NAV2: variants seen among roughly 807,000 people sequenced by gnomAD.
NAV2 encodes neuron navigator 2.
NAV2 carries 54 observed loss-of-function variants against 223.2 expected under a neutral mutation model. The ratio of observed to expected loss-of-function variants is 0.24; its 90% confidence interval spans 0.19 to 0.30. The LOEUF (loss-of-function observed/expected upper bound fraction) is 0.30. NAV2 is among the 10% of genes least tolerant of loss of function. The probability of loss-of-function intolerance (pLI) is 1.00; values close to 1 mark genes in which losing one functional copy is unlikely to be tolerated. For synonymous variants in NAV2, 1,279 were observed against 1,239.3 expected, an observed-to-expected ratio of 1.03 and a Z score of -0.67; for missense variants, 2,806 against 3,147.5, an observed-to-expected ratio of 0.89 and a Z score of 2.60.
At chr11:19,675,544 C>T (rs1406222181) in intron 1 of NAV2, among the ~76,000 whole-genome samples, 4 of 152,232 alleles carry the variant, frequency 2.6e-5, no homozygotes, top group African/African-American at 4.8e-5. Context: ...GGGAGCATGT[C>T]ATATGCCTCC....
chr11:19,976,047 G>T (rs540733388), intron 10 of NAV2, among the ~76,000 whole-genome samples: 1 of 152,120 alleles, frequency 6.6e-6, no homozygotes, highest in Non-Finnish European at 1.5e-5. Context: ...ACTCTATAGC[G>T]TGCAAAAACA....
At chr11:19,889,118 A>T (rs1369659153) in intron 5 of NAV2, among the ~76,000 whole-genome samples, 1 of 152,152 alleles carries the variant, frequency 6.6e-6, no homozygotes, top group Non-Finnish European at 1.5e-5. Flanking sequence ...CTTGAACCCC[A>T]GTACTTAAAA....
chr11:20,095,963 G>C (rs147507149), intron 30 of NAV2, among the ~76,000 whole-genome samples, 196 bp downstream of exon 30: 73 of 152,276 alleles, frequency 4.8e-4, no homozygotes, highest in African/African-American at 1.7e-3. Context: ...ACTGGTCATC[G>C]GCCAAATTCT....
At chr11:19,448,552 G>A (rs1851672658) in intron 1 of NAV2, among the ~76,000 whole-genome samples, 1 of 152,150 alleles carries the variant, frequency 6.6e-6, no homozygotes, top group African/African-American at 2.4e-5. Context: ...CCTGGCACGT[G>A]GTTCTTCATG....
At chr11:19,477,604 G>A (rs1378760811) in intron 1 of NAV2, among the ~76,000 whole-genome samples, 2 of 152,146 alleles carry the variant, frequency 1.3e-5, no homozygotes, top group African/African-American at 2.4e-5. Flanking sequence ...ACCATATTGG[G>A]AAATTTACAA....
intron 32 of NAV2, among the ~76,000 whole-genome samples, chr11:20,101,490 G>A (rs1025946209): frequency 2.0e-5 from 3 of 152,094 alleles, no homozygotes; most frequent in East Asian, 1.9e-4. Context: ...GTGGAACAAC[G>A]ATAATAACAC....
upstream of NAV2, among the ~76,000 whole-genome samples, chr11:19,348,189 C>T (rs902504400): frequency 2.6e-5 from 4 of 152,138 alleles, no homozygotes; most frequent in Non-Finnish European, 4.4e-5. Flanking sequence ...GGGTCTCACC[C>T]GGGAGGGAGC....
chr11:19,988,265 G>A (rs11025351), intron 11 of NAV2, among the ~76,000 whole-genome samples: 106,088 of 152,112 alleles, frequency 0.7, 37,938 homozygotes, highest in Middle Eastern at 0.83. Context: ...TCACATAAAC[G>A]CCATTGAGAG....
chr11:19,402,151 G>A (rs574195070), intron 1 of NAV2, among the ~76,000 whole-genome samples: 1 of 152,158 alleles, frequency 6.6e-6, no homozygotes, highest in Non-Finnish European at 1.5e-5. Context: ...TCATCCTAAG[G>A]CCACCTCTCT....
intron 1 of NAV2, among the ~76,000 whole-genome samples, chr11:19,554,519 T>G (rs1565045094): frequency 6.6e-6 from 1 of 152,184 alleles, no homozygotes; most frequent in African/African-American, 2.4e-5. Context: ...TAGAGGCGCC[T>G]CAAGGAATGG....
At position 19,804,657 on chromosome 11, in the gene NAV2, C is replaced by A. The variant is rs563897638; in HGVS notation, c.268-27827C>A. On this transcript the variant is annotated intron_variant, in intron 1 of 37. Coordinates refer to ENST00000349880, the MANE Select transcript of NAV2 (RefSeq NM_145117.5). ...GTCTTCTGTCTGTCCTTCCATCCAT[C>A]TATTTATCCATCCATCCATCTGATA... is the stretch of plus-strand genomic sequence containing the variant. Among the ~76,000 whole-genome samples, 250 of 152,324 alleles carry A rather than the reference C, an allele frequency of 1.6e-3. 1 individual carries two copies. Among genetic ancestry groups the A allele is most frequent in the African/African-American group, 5.9e-3 (244 of 41,566 alleles).
chr11:19,511,594 C>G (rs768869289), intron 1 of NAV2: 5 of 152,190 alleles, frequency 3.3e-5, no homozygotes, highest in Non-Finnish European at 7.3e-5. Flanking sequence ...GAAGCAGGAG[C>G]TATTTCCTGT....
At chr11:19,777,107 C>T (rs1770354503) in intron 1 of NAV2, among the ~76,000 whole-genome samples, 1 of 151,076 alleles carries the variant, frequency 6.6e-6, no homozygotes, top group Admixed American at 6.6e-5. Flanking sequence ...CCCCCCCCAC[C>T]CCGCCCTCGG....
At chr11:19,436,483 A>G (rs1851219816) in intron 1 of NAV2, among the ~76,000 whole-genome samples, 1 of 152,096 alleles carries the variant, frequency 6.6e-6, no homozygotes, top group South Asian at 2.1e-4. Context: ...ATAGCTTTGT[A>G]ATACATTTTG....
chr11:19,463,038 C>G (rs1464423765), intron 1 of NAV2, among the ~76,000 whole-genome samples: 1 of 152,224 alleles, frequency 6.6e-6, no homozygotes, highest in Non-Finnish European at 1.5e-5. Context: ...TGGGCTTAGA[C>G]AGAGCTGGGT....
chr11:19,525,258 T>C (rs1188421406), intron 1 of NAV2, among the ~76,000 whole-genome samples: 2 of 152,184 alleles, frequency 1.3e-5, no homozygotes, highest in African/African-American at 4.8e-5. Flanking sequence ...GGCAAGTAGG[T>C]GGCAGAGCTG....
At chr11:19,493,977 C>T (rs1410045303) in intron 1 of NAV2, among the ~76,000 whole-genome samples, 1 of 152,244 alleles carries the variant, frequency 6.6e-6, no homozygotes, top group African/African-American at 2.4e-5. Context: ...ACTGTTTGAT[C>T]TCCCTCTGGC....
intron 4 of NAV2, 88 bp downstream of exon 4, chr11:19,869,085 C>A: frequency 7.8e-7 from 1 of 1,288,740 alleles, no homozygotes; most frequent in Non-Finnish European, 1.1e-6. Flanking sequence ...ACCATTATGA[C>A]AAGGGATGCT....
intron 1 of NAV2, among the ~76,000 whole-genome samples, chr11:19,555,447 G>C (rs113099157): frequency 0.034 from 4,571 of 135,162 alleles, 235 homozygotes; most frequent in African/African-American, 0.17. Flanking sequence ...TCCCAGACCT[G>C]GGGGGGGCTC....
Sources: allele counts gnomAD v4.1 joint callset (sites outside exome capture counted in the v4.1 genomes callset), GRCh38; gene constraint gnomAD v4.1.1; transcripts MANE v1.5; gene names NCBI Gene and HGNC (gene_info 2026-07-23, HGNC 2026-07-21).